Variants in GCSH observed in about 807,000 individuals in gnomAD.
GCSH encodes the protein glycine cleavage system H protein, mitochondrial.
GCSH carries 15 observed loss-of-function variants against 21.3 expected under a neutral mutation model. That is an observed-to-expected ratio of 0.70 (90% CI 0.47 to 1.08). The LOEUF is 1.08. Among genes scored for constraint, GCSH ranks in the 50% least tolerant of loss-of-function variants. The pLI is 0.00. For missense variants in GCSH, 179 were observed against 217.5 expected (o/e 0.82, Z 1.11); for synonymous variants, 59 against 84.5 (o/e 0.70, Z 1.66).
chr16:81,086,711 C>T (rs1011538362), intron 3 of GCSH, among the ~76,000 whole-genome samples: 1 of 130,684 alleles, frequency 7.7e-6, no homozygotes, highest in Non-Finnish European at 1.7e-5. Context: ...GAAATCATGA[C>T]TAAAATAAGA....
rs1379474461 is a variant in GCSH at position 81,082,027 on chromosome 16, A to G, written c.*839T>C. The G allele has an allele frequency of 2.2e-6, 1 of 454,062 alleles. No individual in the cohort carries two copies. Among genetic ancestry groups the G allele is most frequent in the Non-Finnish European group, 4.4e-6 (1 of 226,768 alleles). The allele number at this position is 454,062 out of a possible 1,614,324, so 28.1% of individuals were successfully genotyped here. A position where few individuals can be genotyped will look rare whatever the true frequency, so the allele number is the denominator to read the frequency against. ...ACCTGAACGTGGTTTAACAACTTAA[A>G]AACACCATGTGCTATACTGATCAAA... On this transcript the variant is annotated 3_prime_UTR_variant, in exon 5 of 5. Transcript: ENST00000315467.
At chr16:81,082,995 T>G (rs1159978217) in intron 4 of GCSH, 32 bp from the exon 5 acceptor site, 1 of 1,324,668 alleles carries the variant, frequency 7.5e-7, no homozygotes, top group Admixed American at 1.7e-5. Flanking sequence ...ATATTCCACA[T>G]TAACTTTTTA....
chr16:81,090,853 A>AT (rs1335223089), intron 1 of GCSH, 173 bp from the exon 2 acceptor site: 1 of 675,484 alleles, frequency 1.5e-6, no homozygotes, highest in Non-Finnish European at 2.7e-6. Context: ...GAGATGACGC[A>AT]TTTAAACAGC....
chr16:81,091,305 C>T (rs979697210), intron 1 of GCSH: 13 of 339,634 alleles, frequency 3.8e-5, no homozygotes, highest in African/African-American at 1.3e-4. Flanking sequence ...GCACTACCAT[C>T]GCTTAAAGAA....
intron 1 of GCSH, 171 bp from the exon 2 acceptor site, chr16:81,090,851 G>A (rs1011240845): frequency 7.4e-6 from 5 of 675,904 alleles, no homozygotes; most frequent in East Asian, 2.7e-5. Flanking sequence ...TAGAGATGAC[G>A]CATTTAAACA....
At chr16:81,086,690 G>A (rs2151768439) in intron 3 of GCSH, among the ~76,000 whole-genome samples, 1 of 152,054 alleles carries the variant, frequency 6.6e-6, no homozygotes, top group Middle Eastern at 3.4e-3. Context: ...GGAATGAAGT[G>A]GGAAGAGAAA....
At chr16:81,091,578 C>T (rs79849246) in intron 1 of GCSH, among the ~76,000 whole-genome samples, 4,683 of 152,240 alleles carry the variant, frequency 0.031, 193 homozygotes, top group African/African-American at 0.1. Context: ...ATATTAAATA[C>T]AGTTCATATT....
chr16:81,088,052 G>A lies in GCSH; in HGVS notation c.229-388C>T, dbSNP rs148533348. Among the ~76,000 whole-genome samples the A allele has an allele frequency of 5.2e-3, 790 of 152,184 alleles. 7 individuals carry two copies. The highest frequency in any genetic ancestry group is 0.018 in the African/African-American group (757 of 41,514). On this transcript the variant is annotated intron_variant, in intron 2 of 4. Coordinates refer to ENST00000315467, the MANE Select transcript of GCSH (RefSeq NM_004483.5). ...GAGGCAGGAGAATCACTTAAATCTG[G>A]GAGGCAGAGGTTGCAGTGAGTTGAG...
In GCSH at chr16:81,084,270, C is replaced by T. The variant is rs143239582; in HGVS notation, c.424+193G>A. 636 of 645,274 alleles carry T rather than the reference C, an allele frequency of 9.9e-4. 3 individuals are homozygous for T. The highest frequency in any genetic ancestry group is 7.9e-3 in the African/African-American group (435 of 54,818). The allele number at this position is 645,274 out of a possible 1,614,324, so 40.0% of individuals were successfully genotyped here. A position where few individuals can be genotyped will look rare whatever the true frequency, so the allele number is the denominator to read the frequency against. On this transcript the variant is annotated intron_variant, in intron 4 of 4. Coordinates refer to ENST00000315467, the MANE Select transcript of GCSH (RefSeq NM_004483.5). ...CTGGGATCACAGGCGCGAGCCACTG[C>T]GCCTAGCCAGAAATCTTAAACATAA...
rs749405278 is a variant in GCSH, at chr16:81,084,464, A to T, written c.423T>A (p.Asp141Glu). The T allele has an allele frequency of 6.2e-7, 1 of 1,608,474 alleles. No individual in the cohort carries two copies. Among genetic ancestry groups the T allele is most frequent in the Non-Finnish European group, 8.5e-7 (1 of 1,174,886 alleles). ...GAGAAATTTCTAGCAACAGCTTACC[A>T]TCTTCATAACAAGATTTGTTTACAA... ...PGLVNKSCYE[D>E]GWLIKMTLSN... The change falls in exon 4 of 5, where the codon GAT becomes GAA. Residue 141 changes from aspartate (D) to glutamate (E), a missense_variant and splice_region_variant. Coordinates refer to ENST00000315467, the MANE Select transcript of GCSH (RefSeq NM_004483.5).
intron 2 of GCSH, among the ~76,000 whole-genome samples, chr16:81,089,216 T>G (rs1319697065): frequency 6.6e-6 from 1 of 152,202 alleles, no homozygotes; most frequent in Non-Finnish European, 1.5e-5. Context: ...CCAAAATGCT[T>G]GGGAGCAGAA....
At chr16:81,092,197 C>G (rs1972411349) in intron 1 of GCSH, among the ~76,000 whole-genome samples, 1 of 151,952 alleles carries the variant, frequency 6.6e-6, no homozygotes. Context: ...GCTTGTCTAA[C>G]CAAGTCTAGG....
chr16:81,091,140 C>T, intron 1 of GCSH: 1 of 448,770 alleles, frequency 2.2e-6, no homozygotes, highest in Non-Finnish European at 4.4e-6. Context: ...TAATCAGGTG[C>T]CTCTTTAGGC....
intron 2 of GCSH, 43 bp downstream of exon 2, chr16:81,090,549 AGCAAATCAT>A (rs1972377649): frequency 8.2e-7 from 1 of 1,221,876 alleles, no homozygotes; most frequent in Admixed American, 1.7e-5. Context: ...GTAGAGATAA[AGCAAATCAT>A]GCAAGAGCAC....
intron 4 of GCSH, 188 bp from the exon 5 acceptor site, chr16:81,083,151 T>G (rs1043896868): frequency 8.3e-6 from 5 of 602,884 alleles, no homozygotes; most frequent in Non-Finnish European, 1.5e-5. Context: ...ATGAAAATAA[T>G]TATGGCTAGA....
chr16:81,093,632 G>A (rs1972443786), intron 1 of GCSH, among the ~76,000 whole-genome samples: 1 of 152,052 alleles, frequency 6.6e-6, no homozygotes, highest in Non-Finnish European at 1.5e-5. Flanking sequence ...CCTGAGATCA[G>A]GAGTTCAAGA....
intron 3 of GCSH, among the ~76,000 whole-genome samples, chr16:81,086,269 A>T (rs1972275581): frequency 6.6e-6 from 1 of 151,474 alleles, no homozygotes; most frequent in South Asian, 2.1e-4. Flanking sequence ...ACGGCGGCTC[A>T]TGCTTGTAAT....
chr16:81,094,786 TCAAA>T (rs917070111), intron 1 of GCSH, among the ~76,000 whole-genome samples: 2 of 151,968 alleles, frequency 1.3e-5, no homozygotes, highest in Non-Finnish European at 2.9e-5. Context: ...AGTCAGTGTA[TCAAA>T]CATTTGGGCG....
intron 2 of GCSH, 90 bp from the exon 3 acceptor site, chr16:81,087,754 T>C (rs939154520): frequency 2.4e-6 from 2 of 849,288 alleles, no homozygotes; most frequent in Non-Finnish European, 2.0e-6. Context: ...GAATCCCCTA[T>C]AATGAAGATT....
Sources: gnomAD v4.1 joint callset for allele counts (sites outside exome capture counted in the v4.1 genomes callset) on GRCh38, gnomAD v4.1.1 for gene constraint, MANE v1.5 for transcripts, NCBI Gene and HGNC (gene_info 2026-07-23, HGNC 2026-07-21) for gene names.